The following MPP7 variants were observed in gnomAD, a reference collection of about 807,000 sequenced individuals.
MPP7 encodes the protein MAGUK p55 scaffold protein 7, also known as MAGUK p55 subfamily member 7.
Under a neutral mutation model 76.5 loss-of-function variants are expected in MPP7, and 60 were observed. That is an observed-to-expected ratio of 0.78 (90% CI 0.64 to 0.97). MPP7 has a LOEUF of 0.97. MPP7 is among the 50% of genes least tolerant of loss of function. The pLI, the probability that MPP7 is intolerant of heterozygous loss-of-function variation, is 0.00. For missense variants in MPP7, 641 were observed against 694.0 expected (o/e 0.92, Z 0.86); for synonymous variants, 237 against 244.5 (o/e 0.97, Z 0.29).
intron 3 of MPP7, among the ~76,000 whole-genome samples, chr10:28,200,481 T>G (rs1409276480): frequency 6.6e-6 from 1 of 152,374 alleles, no homozygotes; most frequent in East Asian, 1.9e-4. Context: ...CCCTCCGCTA[T>G]GCTTTCTAAC....
At chr10:28,080,149 AG>A (rs1852694156) in intron 12 of MPP7, among the ~76,000 whole-genome samples, 1 of 152,030 alleles carries the variant, frequency 6.6e-6, no homozygotes, top group Non-Finnish European at 1.5e-5. Context: ...AAAAGAAGGA[AG>A]GAAGGAAAAC....
At chr10:28,244,692 A>AGAACAT (rs1165512240) in intron 1 of MPP7, among the ~76,000 whole-genome samples, 1 of 152,138 alleles carries the variant, frequency 6.6e-6, no homozygotes, top group African/African-American at 2.4e-5. Flanking sequence ...AGGAAACAAG[A>AGAACAT]GAACATGCTG....
At chr10:28,117,124 T>C (rs1221154919) in intron 11 of MPP7, among the ~76,000 whole-genome samples, 1 of 152,106 alleles carries the variant, frequency 6.6e-6, no homozygotes, top group East Asian at 1.9e-4. Context: ...GTTATGGTGA[T>C]ACACTACAAA....
intron 12 of MPP7, among the ~76,000 whole-genome samples, chr10:28,073,699 G>A (rs995112640): frequency 6.6e-6 from 1 of 152,110 alleles, no homozygotes; most frequent in East Asian, 1.9e-4. Context: ...GAATCTGAGA[G>A]GTGGAGGTTG....
chr10:28,134,269 T>C (rs1357550140), intron 5 of MPP7, among the ~76,000 whole-genome samples: 1 of 152,178 alleles, frequency 6.6e-6, no homozygotes, highest in East Asian at 1.9e-4. Context: ...TTAAAATGAA[T>C]GAGAACGAAA....
intron 2 of MPP7, among the ~76,000 whole-genome samples, chr10:28,327,382 GA>G (rs34142647): frequency 0.24 from 36,515 of 150,534 alleles, 5,669 homozygotes; most frequent in African/African-American, 0.44. Context: ...TTTGCAGCTG[GA>G]AAAAAAAAAT....
chr10:28,294,033 C>T (rs1032667633), intron 1 of MPP7, among the ~76,000 whole-genome samples: 3 of 152,112 alleles, frequency 2.0e-5, no homozygotes, highest in African/African-American at 7.2e-5. Flanking sequence ...AAGGGCTGGG[C>T]GTGGTGGCTC....
intron 1 of MPP7, chr10:28,254,976 T>C (rs1397800241): frequency 6.6e-6 from 1 of 152,180 alleles, no homozygotes; most frequent in East Asian, 1.9e-4. Context: ...GGAGTAGGAT[T>C]CCAGTAGGAA....
chr10:28,168,599 A>G (rs1404944188), intron 3 of MPP7, among the ~76,000 whole-genome samples: 8 of 152,168 alleles, frequency 5.3e-5, no homozygotes, highest in African/African-American at 1.9e-4. Flanking sequence ...GCTCACTGCA[A>G]GCTTCGCCTC....
At chr10:28,078,801 T>C (rs901007999) in intron 12 of MPP7, among the ~76,000 whole-genome samples, 1 of 152,214 alleles carries the variant, frequency 6.6e-6, no homozygotes, top group Non-Finnish European at 1.5e-5. Flanking sequence ...AACTCCTTAT[T>C]GAAAGTAAGC....
upstream of MPP7, among the ~76,000 whole-genome samples, chr10:28,334,709 T>C (rs1292188704): frequency 2.0e-5 from 3 of 152,186 alleles, no homozygotes; most frequent in East Asian, 5.8e-4. Context: ...ATATCAATGT[T>C]TTATTTACAC....
At chr10:28,164,671 T>C (rs1019101757) in intron 3 of MPP7, among the ~76,000 whole-genome samples, 3 of 10,188 alleles carry the variant, frequency 2.9e-4, no homozygotes, top group African/African-American at 1.2e-3. Context: ...TTATGAGATT[T>C]TTTTTTTTCA....
chr10:28,326,622 T>C (rs141934055), intron 2 of MPP7, among the ~76,000 whole-genome samples: 1 of 152,312 alleles, frequency 6.6e-6, no homozygotes, highest in East Asian at 1.9e-4. Flanking sequence ...TAATGTCACA[T>C]GGTAAGATGA....
At chr10:28,125,352 A>G (rs546953874) in intron 6 of MPP7, among the ~76,000 whole-genome samples, 1 of 152,232 alleles carries the variant, frequency 6.6e-6, no homozygotes, top group East Asian at 1.9e-4. Flanking sequence ...CCTCTTCAAA[A>G]CTGTGTAAAA....
chr10:28,115,678 G>A (rs1053900340), intron 11 of MPP7, among the ~76,000 whole-genome samples: 4 of 152,100 alleles, frequency 2.6e-5, no homozygotes, highest in African/African-American at 7.2e-5. Context: ...CCAAAATACC[G>A]GTACCGTGTG....
Position 28,131,608 on chromosome 10 carries a change from C to T in MPP7, c.399G>A (p.Glu133=). The T allele has an allele frequency of 6.2e-7, 1 of 1,606,670 alleles. No homozygotes were observed. Among genetic ancestry groups the T allele is most frequent in the Non-Finnish European group, 8.5e-7 (1 of 1,175,814 alleles). The part of the protein sequence containing the change: ...LPPMPEDIDD[E]EDSVKIIRLV... ...GACGGATTATTTTTACTGAGTCTTCCTCATCGTCAATATCTTCAGGCATAG... is the reference window on the plus strand; with the variant it reads ...GACGGATTATTTTTACTGAGTCTTCTTCATCGTCAATATCTTCAGGCATAG... The change falls in exon 6 of 17, where the codon GAG becomes GAA. Residue 133 remains glutamate, a synonymous_variant. Coordinates refer to ENST00000683449, the MANE Select transcript of MPP7 (RefSeq NM_001318170.2).
At chr10:28,257,671 A>G (rs1227252524) in intron 1 of MPP7, among the ~76,000 whole-genome samples, 3 of 151,026 alleles carry the variant, frequency 2.0e-5, no homozygotes, top group Non-Finnish European at 3.0e-5. Flanking sequence ...GGTGCAGCGC[A>G]CCAGCATGGC....
At chr10:28,064,036 C>A (rs193274683) in intron 13 of MPP7, among the ~76,000 whole-genome samples, 76 of 152,248 alleles carry the variant, frequency 5.0e-4, no homozygotes, top group Non-Finnish European at 9.9e-4. Context: ...TTAGTAGTTT[C>A]TCAAAAAATT....
At chr10:28,251,692 T>C (rs1427812862) in intron 1 of MPP7, among the ~76,000 whole-genome samples, 1 of 152,140 alleles carries the variant, frequency 6.6e-6, no homozygotes, top group East Asian at 1.9e-4. Flanking sequence ...ACAGAACTGA[T>C]GCAGGCACAG....
Sources: allele counts gnomAD v4.1 joint callset (sites outside exome capture counted in the v4.1 genomes callset), GRCh38; gene constraint gnomAD v4.1.1; transcripts MANE v1.5; gene names NCBI Gene and HGNC (gene_info 2026-07-23, HGNC 2026-07-21).